Variants in ZC2HC1A observed in about 807,000 individuals in gnomAD.
ZC2HC1A encodes the protein zinc finger C2HC-type containing 1A, also known as zinc finger C2HC domain-containing protein 1A.
A neutral mutation model predicts 40.7 loss-of-function variants in ZC2HC1A; 28 were observed. The ratio of observed to expected loss-of-function variants is 0.69; its 90% CI spans 0.51 to 0.94. The LOEUF (loss-of-function observed/expected upper bound fraction) is 0.94. ZC2HC1A is among the 40% of genes least tolerant of loss of function. ZC2HC1A has a pLI of 0.00. For missense variants in ZC2HC1A, 389 were observed against 386.3 expected (o/e 1.01, Z -0.06); for synonymous variants, 129 against 129.2 (o/e 1.00, Z 0.01).
At chr8:78,703,875 T>C (rs1319079178) in intron 7 of ZC2HC1A, among the ~76,000 whole-genome samples, 3 of 152,206 alleles carry the variant, frequency 2.0e-5, no homozygotes, top group Non-Finnish European at 4.4e-5. Flanking sequence ...AGTTTTACAG[T>C]ATTACTGGTC....
rs1328815537 is a variant in ZC2HC1A, at chr8:78,718,338, G to A, written c.*845G>A. Reference sequence around the variant, plus strand: ...GAAAATGTAATTATTTAATATAGAAGGCACAGAATTCCCTGCAAAATCTTA... The same window carrying A: ...GAAAATGTAATTATTTAATATAGAAAGCACAGAATTCCCTGCAAAATCTTA... On this transcript the variant is annotated 3_prime_UTR_variant, in exon 9 of 9. Coordinates refer to ENST00000263849, the MANE Select transcript of ZC2HC1A (RefSeq NM_016010.3). 1 of 151,766 alleles carries A rather than the reference G, an allele frequency of 6.6e-6. No individual in the cohort carries two copies. Among genetic ancestry groups the A allele is most frequent in the African/African-American group, 2.4e-5 (1 of 41,396 alleles). The allele number at this position is 151,766 out of a possible 1,614,324, so 9.4% of individuals were successfully genotyped here.
At chr8:78,678,490 A>T (rs1004325080) in intron 2 of ZC2HC1A, 73 bp from the exon 3 acceptor site, 1 of 1,137,244 alleles carries the variant, frequency 8.8e-7, no homozygotes, top group Non-Finnish European at 1.3e-6. Flanking sequence ...ACTGGTCTCA[A>T]TGTAAATAAA....
chr8:78,717,980 A>G lies in ZC2HC1A; in HGVS notation c.*487A>G, dbSNP rs1356925262. On this transcript the variant is annotated 3_prime_UTR_variant, in exon 9 of 9. Coordinates refer to ENST00000263849, the MANE Select transcript of ZC2HC1A (RefSeq NM_016010.3). Reference sequence around the variant, plus strand: ...ATTAAAGAGAACAGTTTTAGTTACCATTAGGTATGTTAAGGTCACTCCTGT... The same window carrying G: ...ATTAAAGAGAACAGTTTTAGTTACCGTTAGGTATGTTAAGGTCACTCCTGT... 1 of 152,272 alleles carries G rather than the reference A, an allele frequency of 6.6e-6. No individual in the cohort carries two copies. The highest frequency in any genetic ancestry group is 1.5e-5 in the Non-Finnish European group (1 of 68,182). 9.4% of individuals were successfully genotyped at this position (152,272 alleles called of 1,614,324 possible).
intron 1 of ZC2HC1A, among the ~76,000 whole-genome samples, chr8:78,667,163 G>A (rs575855389): frequency 1.3e-4 from 20 of 152,168 alleles, no homozygotes; most frequent in Non-Finnish European, 2.6e-4. Flanking sequence ...GTGTGATGAA[G>A]TGCAAAGTGG....
intron 3 of ZC2HC1A, among the ~76,000 whole-genome samples, chr8:78,682,545 A>G (rs546976895): frequency 2.4e-4 from 37 of 152,142 alleles, no homozygotes; most frequent in African/African-American, 8.4e-4. Context: ...CACAGGAAAA[A>G]CCTGCCCCCG....
chr8:78,719,317 T>C lies in ZC2HC1A; in HGVS notation c.*1824T>C, dbSNP rs545733768. The C allele has an allele frequency of 6.6e-6, 1 of 151,882 alleles. No homozygotes were observed. The highest frequency in any genetic ancestry group is 2.4e-5 in the African/African-American group (1 of 41,568). 9.4% of individuals were successfully genotyped at this position (151,882 alleles called of 1,614,324 possible). A position where few individuals can be genotyped will look rare whatever the true frequency, so the allele number is the denominator to read the frequency against. Reference sequence around the variant, plus strand: ...TGGCACACATTTGTTTCTCACTGAATTTTACAGTAGTAAATTAATGTTATA... The same window carrying C: ...TGGCACACATTTGTTTCTCACTGAACTTTACAGTAGTAAATTAATGTTATA... On this transcript the variant is annotated 3_prime_UTR_variant, in exon 9 of 9. Transcript: ENST00000263849.
At chr8:78,711,948 G>A in intron 7 of ZC2HC1A, 2 of 1,198,778 alleles carry the variant, frequency 1.7e-6, no homozygotes, top group South Asian at 1.3e-5. Flanking sequence ...TAAAGAAGCA[G>A]TAGCAATCTC....
Position 78,717,417 on chromosome 8 carries a change from A to T in ZC2HC1A, c.902A>T (p.His301Leu), listed in dbSNP as rs1441638843. The stretch of plus-strand genomic sequence containing the variant: ...CCTGGAAACTTACCAAAATTCTGCC[A>T]TGAGTGTGGGACTAAATACCCTGTA... ...HSPGNLPKFC[H>L]ECGTKYPVEW... The change falls in exon 9 of 9, where the codon CAT becomes CTT. Residue 301 changes from histidine to leucine, a missense_variant. Coordinates refer to ENST00000263849, the MANE Select transcript of ZC2HC1A (RefSeq NM_016010.3). 4 of 1,613,448 alleles carry T rather than the reference A, an allele frequency of 2.5e-6. No individual in the cohort carries two copies. Among genetic ancestry groups the T allele is most frequent in the African/African-American group, 1.3e-5 (1 of 74,932 alleles).
At chr8:78,685,204 TG>T (rs1448644524) in intron 3 of ZC2HC1A, among the ~76,000 whole-genome samples, 2 of 151,766 alleles carry the variant, frequency 1.3e-5, no homozygotes, top group East Asian at 3.9e-4. Flanking sequence ...AATTCTGTTG[TG>T]GGGGGACAGG....
rs182154956 is a variant in ZC2HC1A at position 78,666,738 on chromosome 8, A to T, written c.16+574A>T. On this transcript the variant is annotated intron_variant, in intron 1 of 8. Coordinates refer to ENST00000263849, the MANE Select transcript of ZC2HC1A (RefSeq NM_016010.3). ...AGCTTTAGAGCCGGTACAATAGATTACCCGGAGGATTTGATGACTTATTCA... is the reference window on the plus strand; with the variant it reads ...AGCTTTAGAGCCGGTACAATAGATTTCCCGGAGGATTTGATGACTTATTCA... 3.0e-4 allele frequency among the ~76,000 whole-genome samples: 46 copies of T among 152,276 alleles called. No individual in the cohort carries two copies. In the East Asian group the frequency reaches 8.1e-3, roughly 27 times the overall value.
chr8:78,687,781 TTTACGTA>T (rs1291834355), intron 4 of ZC2HC1A, among the ~76,000 whole-genome samples: 2 of 131,508 alleles, frequency 1.5e-5, no homozygotes, highest in Non-Finnish European at 3.1e-5. Context: ...TATATATATA[TTTACGTA>T]ATACATTATA....
At chr8:78,703,428 T>C (rs1357321437) in intron 7 of ZC2HC1A, among the ~76,000 whole-genome samples, 1 of 152,214 alleles carries the variant, frequency 6.6e-6, no homozygotes, top group African/African-American at 2.4e-5. Flanking sequence ...TGAAGGTCTC[T>C]AAGAACTTGG....
At chr8:78,706,684 G>A (rs750847321) in intron 7 of ZC2HC1A, among the ~76,000 whole-genome samples, 1 of 152,222 alleles carries the variant, frequency 6.6e-6, no homozygotes, top group Non-Finnish European at 1.5e-5. Flanking sequence ...AGATGAAGGT[G>A]CTGTATTTAC....
rs2130625841 is a variant in ZC2HC1A at position 78,718,748 on chromosome 8, A to G, written c.*1255A>G. 1 of 151,946 alleles carries G rather than the reference A, an allele frequency of 6.6e-6. No homozygotes were observed. Among genetic ancestry groups the G allele is most frequent in the South Asian group, 2.1e-4 (1 of 4,830 alleles). The allele number at this position is 151,946 out of a possible 1,614,324, so 9.4% of individuals were successfully genotyped here. On this transcript the variant is annotated 3_prime_UTR_variant, in exon 9 of 9. Transcript: ENST00000263849. ...TAATCATTGTCACTTTCAGTATATC[A>G]TAGTAGTTAGTAGTAGATTGCCTTG...
Position 78,717,446 on chromosome 8 carries a change from T to C in ZC2HC1A, c.931T>C (p.Trp311Arg). 6.2e-7 allele frequency: 1 copy of C among 1,604,510 alleles called. No individual in the cohort carries two copies. The highest frequency in any genetic ancestry group is 1.1e-5 in the South Asian group (1 of 88,562). ...HECGTKYPVE[W>R]AKFCCECGIR... ...GTGTGGGACTAAATACCCTGTAGAA[T>C]GGGCCAAATTTTGCTGTGAATGTGG... Residue 311 changes from tryptophan to arginine, a missense_variant, in exon 9 of 9, where the codon TGG becomes CGG. By Grantham distance (101) the Trp-to-Arg change is moderately radical. Coordinates refer to ENST00000263849, the MANE Select transcript of ZC2HC1A (RefSeq NM_016010.3).
chr8:78,709,776 G>A (rs1053209827), intron 7 of ZC2HC1A, among the ~76,000 whole-genome samples: 1 of 151,902 alleles, frequency 6.6e-6, no homozygotes, highest in African/African-American at 2.4e-5. Flanking sequence ...TTTGTATAGG[G>A]CCCCATTCAA....
intron 5 of ZC2HC1A, 87 bp from the exon 6 acceptor site, chr8:78,697,320 C>T (rs1002150908): frequency 3.6e-6 from 4 of 1,097,146 alleles, no homozygotes; most frequent in African/African-American, 3.2e-5. Flanking sequence ...AAATCCTAAA[C>T]CCAAAGAATG....
At chr8:78,684,051 AG>A (rs2130472716) in intron 3 of ZC2HC1A, among the ~76,000 whole-genome samples, 1 of 152,286 alleles carries the variant, frequency 6.6e-6, no homozygotes, top group East Asian at 1.9e-4. Context: ...GTTTCTAGGA[AG>A]TTCCAAACTT....
intron 7 of ZC2HC1A, among the ~76,000 whole-genome samples, chr8:78,706,661 A>C (rs1049517739): frequency 6.6e-6 from 1 of 152,156 alleles, no homozygotes; most frequent in Non-Finnish European, 1.5e-5. Context: ...CAATGCAAGT[A>C]CATGGATGTT....
Sources: gnomAD v4.1 joint callset for allele counts (sites outside exome capture counted in the v4.1 genomes callset) on GRCh38, gnomAD v4.1.1 for gene constraint, MANE v1.5 for transcripts, NCBI Gene and HGNC (gene_info 2026-07-23, HGNC 2026-07-21) for gene names.